Variants in NCAPD3 observed in about 807,000 individuals in gnomAD.
The protein encoded by NCAPD3 is non-SMC condensin II complex subunit D3, also known as condensin-2 complex subunit D3.
A neutral mutation model predicts 182.9 loss-of-function variants in NCAPD3; 105 were observed. The ratio of observed to expected loss-of-function variants is 0.57; its 90% CI spans 0.49 to 0.68. The LOEUF is 0.68. NCAPD3 is among the 30% of genes least tolerant of loss of function. The probability of loss-of-function intolerance (pLI) is 0.00; values close to 1 mark genes in which losing one functional copy is unlikely to be tolerated. For missense variants in NCAPD3, 1,944 were observed against 1,837.0 expected, an observed-to-expected ratio of 1.06 and a Z score of -1.07; for synonymous variants, 815 against 679.9, an observed-to-expected ratio of 1.20 and a Z score of -3.09.
chr11:134,207,961 C>T (rs528681368), intron 7 of NCAPD3, among the ~76,000 whole-genome samples: 2 of 152,116 alleles, frequency 1.3e-5, no homozygotes, highest in East Asian at 1.9e-4. Context: ...GCATTGTGCT[C>T]GGTAGGCGGC....
chr11:134,167,961 G>A (rs761293276), intron 27 of NCAPD3, 35 bp downstream of exon 27: 33 of 1,598,496 alleles, frequency 2.1e-5, no homozygotes, highest in Non-Finnish European at 2.7e-5. Context: ...ACACTCACTT[G>A]TGAGAAGATG....
At chr11:134,176,286 T>C (rs201438410) in intron 24 of NCAPD3, 21 bp downstream of exon 24, 121 of 1,604,870 alleles carry the variant, frequency 7.5e-5, no homozygotes, top group Admixed American at 2.0e-4. Flanking sequence ...TTGAGTCGTC[T>C]GACGTGAGGA....
chr11:134,209,320 C>A lies in NCAPD3; in HGVS notation c.725G>T (p.Cys242Phe), dbSNP rs767983388. 1 of 1,613,186 alleles carries A rather than the reference C, an allele frequency of 6.2e-7. No homozygotes were observed. Among genetic ancestry groups the A allele is most frequent in the South Asian group, 1.1e-5 (1 of 90,906 alleles). Residue 242 changes from cysteine to phenylalanine, a missense_variant, in exon 5 of 35, where the codon TGT becomes TTT. Coordinates refer to ENST00000534548, the MANE Select transcript of NCAPD3 (RefSeq NM_015261.3). ...CCTGGAATTTTCACTTACCTCTATA[C>A]AATTCTGTACACATTGTGGCTTTTC... ...LKEKPQCVQN[C>F]IEVFVSLTNF...
intron 29 of NCAPD3, 142 bp from the exon 30 acceptor site, chr11:134,158,637 G>T: frequency 1.2e-6 from 1 of 850,424 alleles, no homozygotes; most frequent in Non-Finnish European, 1.8e-6. Flanking sequence ...AGGGTAATTG[G>T]CATCTCCATC....
upstream of NCAPD3, chr11:134,225,337 G>A: frequency 6.2e-7 from 1 of 1,613,710 alleles, no homozygotes; most frequent in Non-Finnish European, 8.5e-7. Context: ...GAGTTCATCG[G>A]GCAGATCGGT....
At chr11:134,181,816 C>A (rs1565537673) in intron 19 of NCAPD3, among the ~76,000 whole-genome samples, 1 of 152,124 alleles carries the variant, frequency 6.6e-6, no homozygotes. Context: ...GCCTCCACCC[C>A]CTTGCTTCCA....
At chr11:134,164,066 T>C (rs1385440386) in intron 27 of NCAPD3, among the ~76,000 whole-genome samples, 1 of 152,068 alleles carries the variant, frequency 6.6e-6, no homozygotes, top group South Asian at 2.1e-4. Context: ...TGGCAAGATA[T>C]GATCAGAGTC....
At chr11:134,208,805 A>T in intron 7 of NCAPD3, 59 bp downstream of exon 7, 1 of 1,124,504 alleles carries the variant, frequency 8.9e-7, no homozygotes, top group Non-Finnish European at 1.3e-6. Flanking sequence ...TATTTCCATC[A>T]TATGGTTCAT....
intron 16 of NCAPD3, among the ~76,000 whole-genome samples, chr11:134,190,526 G>A (rs781637657): frequency 5.9e-5 from 9 of 151,952 alleles, no homozygotes; most frequent in East Asian, 1.9e-4. Context: ...TTGCTCTGTC[G>A]CCCAGGCTGG....
intron 25 of NCAPD3, 140 bp downstream of exon 25, chr11:134,168,777 C>T (rs887263852): frequency 2.5e-5 from 35 of 1,378,822 alleles, no homozygotes; most frequent in Non-Finnish European, 3.4e-5. Context: ...ACTGTATTTT[C>T]TTACGCCATC....
chr11:134,212,375 T>G (rs201011919), intron 3 of NCAPD3, among the ~76,000 whole-genome samples: 20 of 143,170 alleles, frequency 1.4e-4, no homozygotes, highest in Non-Finnish European at 2.6e-4. Flanking sequence ...TTTTGTTGTT[T>G]TGTGTGTGTG....
chr11:134,191,544 C>T (rs1944524360), intron 16 of NCAPD3, among the ~76,000 whole-genome samples: 1 of 152,214 alleles, frequency 6.6e-6, no homozygotes, highest in Non-Finnish European at 1.5e-5. Flanking sequence ...AACCTCCCAA[C>T]AGCTTCTCAG....
At chr11:134,218,651 C>G (rs1352818921) in intron 2 of NCAPD3, among the ~76,000 whole-genome samples, 1 of 152,144 alleles carries the variant, frequency 6.6e-6, no homozygotes, top group Non-Finnish European at 1.5e-5. Flanking sequence ...TCCCTATGCC[C>G]AGTCAGTTTA....
intron 27 of NCAPD3, among the ~76,000 whole-genome samples, chr11:134,165,365 G>A (rs1473690545): frequency 6.7e-6 from 1 of 150,332 alleles, no homozygotes; most frequent in Non-Finnish European, 1.5e-5. Context: ...TGGGAAGGGC[G>A]CACTCGTGAG....
In NCAPD3 at chr11:134,168,023, C is replaced by G; in HGVS notation, c.3546G>C (p.Gln1182His). Residue 1182 changes from glutamine to histidine, a missense_variant, in exon 27 of 35, where the codon CAG (glutamine) becomes CAC (histidine). Physicochemically the swap from Gln to His is conservative, Grantham distance 24. Coordinates refer to ENST00000534548, the MANE Select transcript of NCAPD3 (RefSeq NM_015261.3). ...DDMALANVVM[Q>H]EAQKKLISQV... ...GTGAGATGAGCTTCTTCTGAGCTTC[C>G]TGCATGACTACATTTGCCAAGGCCA... 1 of 1,614,066 alleles carries G rather than the reference C, an allele frequency of 6.2e-7. No homozygotes were observed. The highest frequency in any genetic ancestry group is 8.5e-7 in the Non-Finnish European group (1 of 1,179,950).
At chr11:134,170,928 G>A (rs910811789) in intron 24 of NCAPD3, among the ~76,000 whole-genome samples, 1 of 152,200 alleles carries the variant, frequency 6.6e-6, no homozygotes, top group East Asian at 1.9e-4. Flanking sequence ...GCCTTGATTA[G>A]ATTAAGATGC....
chr11:134,190,411 A>T (rs1944499452), intron 16 of NCAPD3, among the ~76,000 whole-genome samples: 1 of 152,166 alleles, frequency 6.6e-6, no homozygotes, highest in Non-Finnish European at 1.5e-5. Context: ...AGATTTATCT[A>T]TGTGTTTATC....
intron 27 of NCAPD3, 66 bp downstream of exon 27, chr11:134,167,930 A>T: frequency 6.8e-7 from 1 of 1,472,404 alleles, no homozygotes; most frequent in Non-Finnish European, 9.4e-7. Context: ...CACACTCGTG[A>T]GATGAGCTTA....
chr11:134,165,362 G>A (rs1378070801), intron 27 of NCAPD3, among the ~76,000 whole-genome samples: 1 of 150,704 alleles, frequency 6.6e-6, no homozygotes, highest in African/African-American at 2.4e-5. Context: ...GCTTGGGAAG[G>A]GCGCACTCGT....
Sources: allele counts gnomAD v4.1 joint callset (sites outside exome capture counted in the v4.1 genomes callset), GRCh38; gene constraint gnomAD v4.1.1; transcripts MANE v1.5; gene names NCBI Gene and HGNC (gene_info 2026-07-23, HGNC 2026-07-21).